STAB2: variants seen among roughly 807,000 people sequenced by gnomAD.
The protein encoded by STAB2 is stabilin 2.
A neutral mutation model predicts 338.1 loss-of-function variants in STAB2; 288 were observed. The observed-to-expected ratio is 0.85, with a 90% CI of 0.77 to 0.94. STAB2 has a LOEUF of 0.94. Ranked by LOEUF, STAB2 falls within the 40% of genes least tolerant of loss-of-function variation. STAB2 has a pLI of 0.00. For missense variants in STAB2, 3,141 were observed against 3,210.1 expected, an observed-to-expected ratio of 0.98 and a Z score of 0.52; for synonymous variants, 1,202 against 1,193.3, an observed-to-expected ratio of 1.01 and a Z score of -0.15.
In STAB2 at chr12:103,728,863, C is replaced by G. The variant is rs1301524542; in HGVS notation, c.4950C>G (p.Asp1650Glu). The stretch of plus-strand genomic sequence containing the variant: ...TTCTGTTACAGGTTAAAGACTGGGA[C>G]AAATACGGTTTAATGCCCCAGGTTC... ...FDEEARVKDWDKYGLMPQVLR... is the reference protein window; with the variant it reads ...FDEEARVKDWEKYGLMPQVLR... The change falls in exon 48 of 69, where the codon GAC becomes GAG. Residue 1650 changes from aspartate to glutamate, a missense_variant. Physicochemically the swap from Asp to Glu is conservative, Grantham distance 45. Transcript: ENST00000388887. The G allele has an allele frequency of 4.3e-6, 7 of 1,613,992 alleles. No individual in the cohort carries two copies. The highest frequency in any genetic ancestry group is 1.1e-5 in the South Asian group (1 of 91,064).
At chr12:103,728,771 G>C (rs1881407474) in intron 47 of STAB2, 78 bp from the exon 48 acceptor site, 5 of 1,573,144 alleles carry the variant, frequency 3.2e-6, no homozygotes, top group Admixed American at 1.7e-5. Context: ...AGAGAGAATG[G>C]AGGACAGGAG....
intron 44 of STAB2, among the ~76,000 whole-genome samples, chr12:103,724,212 A>G (rs926072672): frequency 6.6e-6 from 1 of 152,236 alleles, no homozygotes; most frequent in African/African-American, 2.4e-5. Flanking sequence ...CAGCCAGGAC[A>G]TTGCCACTTC....
intron 60 of STAB2, among the ~76,000 whole-genome samples, chr12:103,751,207 T>C (rs1251746615): frequency 6.6e-6 from 1 of 152,196 alleles, no homozygotes; most frequent in Non-Finnish European, 1.5e-5. Context: ...AGATGTGGTC[T>C]CTGGTGGAGA....
At chr12:103,685,802 A>T (rs1268471613) in intron 27 of STAB2, among the ~76,000 whole-genome samples, 1 of 152,118 alleles carries the variant, frequency 6.6e-6, no homozygotes, top group Non-Finnish European at 1.5e-5. Flanking sequence ...ACTTTTTTTT[A>T]ATTTATTGAG....
chr12:103,697,961 C>T (rs1878543127), intron 33 of STAB2, among the ~76,000 whole-genome samples: 1 of 152,154 alleles, frequency 6.6e-6, no homozygotes, highest in African/African-American at 2.4e-5. Flanking sequence ...CCTCCAGGAG[C>T]AGGCATTGCC....
intron 3 of STAB2, among the ~76,000 whole-genome samples, chr12:103,618,731 A>G (rs1957249990): frequency 1.3e-5 from 2 of 152,330 alleles, no homozygotes; most frequent in South Asian, 4.1e-4. Flanking sequence ...TCATCTAGAA[A>G]GTATGGCTAA....
At chr12:103,629,095 A>G (rs930156408) in intron 5 of STAB2, among the ~76,000 whole-genome samples, 2 of 152,146 alleles carry the variant, frequency 1.3e-5, no homozygotes, top group African/African-American at 4.8e-5. Flanking sequence ...TTCCAATCTA[A>G]TAGGGGAGAA....
intron 42 of STAB2, 50 bp from the exon 43 acceptor site, chr12:103,715,765 T>C (rs1880259387): frequency 1.2e-6 from 2 of 1,611,014 alleles, no homozygotes; most frequent in Non-Finnish European, 1.7e-6. Flanking sequence ...TGGCTTCACT[T>C]GGAAACCAGA....
At position 103,683,437 on chromosome 12, in the gene STAB2, G is replaced by A. The variant is rs1016388273; in HGVS notation, c.2901+137G>A. The A allele has an allele frequency of 1.1e-4, 73 of 637,920 alleles. 1 individual carries two copies. The African/African-American group carries it at 1.3e-3, about 11-fold the overall frequency. 39.5% of individuals were successfully genotyped at this position (637,920 alleles called of 1,614,324 possible). ...AAAAGGGAATCTCTAAGCAGAATGCGAGTAGTTATTGCAACTTCTACTTCA... is the reference window on the plus strand; with the variant it reads ...AAAAGGGAATCTCTAAGCAGAATGCAAGTAGTTATTGCAACTTCTACTTCA... On this transcript the variant is annotated intron_variant, in intron 26 of 68. Transcript: ENST00000388887.
intron 3 of STAB2, among the ~76,000 whole-genome samples, chr12:103,615,364 A>C (rs566121203): frequency 1.3e-5 from 2 of 152,316 alleles, no homozygotes; most frequent in South Asian, 4.1e-4. Context: ...GGAAAGTTGG[A>C]TGGAAAAGCT....
chr12:103,647,581 T>C (rs1386955368), intron 9 of STAB2, among the ~76,000 whole-genome samples: 1 of 152,218 alleles, frequency 6.6e-6, no homozygotes, highest in Non-Finnish European at 1.5e-5. Context: ...TACTGCATAG[T>C]TGTGGTCTGC....
At chr12:103,619,462 C>A (rs1464616783) in intron 3 of STAB2, among the ~76,000 whole-genome samples, 6 of 152,100 alleles carry the variant, frequency 3.9e-5, no homozygotes, top group African/African-American at 1.4e-4. Flanking sequence ...ATTTTTAATT[C>A]TCTATTTGAT....
chr12:103,751,446 C>T (rs1175539134), intron 60 of STAB2, among the ~76,000 whole-genome samples: 1 of 152,146 alleles, frequency 6.6e-6, no homozygotes, highest in Non-Finnish European at 1.5e-5. Context: ...TCAGCCATGA[C>T]ATAAAGTTTC....
At chr12:103,690,082 C>G in intron 29 of STAB2, 100 bp downstream of exon 29, 1 of 1,484,216 alleles carries the variant, frequency 6.7e-7, no homozygotes, top group Non-Finnish European at 9.1e-7. Flanking sequence ...CCTTCAAATT[C>G]GTGGAGCTGA....
chr12:103,704,596 A>T lies in STAB2; in HGVS notation c.3882A>T (p.Pro1294=). 1 of 1,613,876 alleles carries T rather than the reference A, an allele frequency of 6.2e-7. No individual in the cohort carries two copies. The highest frequency in any genetic ancestry group is 8.5e-7 in the Non-Finnish European group (1 of 1,179,906). Reference sequence around the variant, plus strand: ...CATGCTCCTCAGAGCTGACCTGCCCATTCGGAACTAAATCTCTAGTAAGTA... The same window carrying T: ...CATGCTCCTCAGAGCTGACCTGCCCTTTCGGAACTAAATCTCTAGTAAGTA... ...CRTCSSELTC[P]FGTKSLGNEK... is the part of the protein sequence containing the mutation. The change falls in exon 36 of 69, where the codon CCA becomes CCT. Residue 1294 remains proline (P), a synonymous_variant. Coordinates refer to ENST00000388887, the MANE Select transcript of STAB2 (RefSeq NM_017564.10).
At chr12:103,600,030 C>T (rs1347091075) in intron 3 of STAB2, among the ~76,000 whole-genome samples, 2 of 152,202 alleles carry the variant, frequency 1.3e-5, no homozygotes, top group Non-Finnish European at 2.9e-5. Context: ...CAAATTACCT[C>T]GCTTCAGTAT....
chr12:103,693,271 T>A lies in STAB2; in HGVS notation c.3375+382T>A, dbSNP rs116465356. On this transcript the variant is annotated intron_variant, in intron 31 of 68. Coordinates refer to ENST00000388887, the MANE Select transcript of STAB2 (RefSeq NM_017564.10). ...GAGTTCAAGACCAGTCTGGGCAACATAATGAGATCCTCTCTCTACCAAAAA... is the reference window on the plus strand; with the variant it reads ...GAGTTCAAGACCAGTCTGGGCAACAAAATGAGATCCTCTCTCTACCAAAAA... 1.7e-3 allele frequency among the ~76,000 whole-genome samples: 255 copies of A among 151,816 alleles called. 1 individual carries two copies. Among genetic ancestry groups the A allele is most frequent in the African/African-American group, 5.7e-3 (238 of 41,404 alleles).
intron 22 of STAB2, among the ~76,000 whole-genome samples, chr12:103,671,915 C>T (rs1436893336): frequency 1.3e-5 from 2 of 152,180 alleles, no homozygotes; most frequent in African/African-American, 4.8e-5. Flanking sequence ...AAGCTAACAG[C>T]TCGTTGTGGA....
chr12:103,734,585 T>C (rs888402882), intron 51 of STAB2, among the ~76,000 whole-genome samples: 1 of 152,228 alleles, frequency 6.6e-6, no homozygotes, highest in African/African-American at 2.4e-5. Context: ...TCCTGAGTCC[T>C]CATCCAGGAC....
Sources: gnomAD v4.1 joint callset for allele counts (sites outside exome capture counted in the v4.1 genomes callset) on GRCh38, gnomAD v4.1.1 for gene constraint, MANE v1.5 for transcripts, NCBI Gene and HGNC (gene_info 2026-07-23, HGNC 2026-07-21) for gene names.